The following ASRGL1 variants were observed in gnomAD, a reference collection of about 807,000 sequenced individuals.
ASRGL1 encodes the protein isoaspartyl peptidase/L-asparaginase.
In ASRGL1, 16 loss-of-function variants were observed where a neutral mutation model predicts 22.4. The observed-to-expected ratio is 0.71, with a 90% CI of 0.48 to 1.08. The LOEUF (loss-of-function observed/expected upper bound fraction) is 1.08, where lower values mean the gene tolerates loss of function less well. Among genes scored for constraint, ASRGL1 ranks in the 50% least tolerant of loss-of-function variants. ASRGL1 has a pLI of 0.00. For missense variants in ASRGL1, 412 were observed against 410.1 expected, an observed-to-expected ratio of 1.00 and a Z score of -0.04; for synonymous variants, 165 against 159.3, an observed-to-expected ratio of 1.04 and a Z score of -0.27.
At chr11:62,381,478 T>G (rs140797555) in intron 4 of ASRGL1, among the ~76,000 whole-genome samples, 2 of 152,174 alleles carry the variant, frequency 1.3e-5, no homozygotes, top group Non-Finnish European at 2.9e-5. Flanking sequence ...TTCAGGGGCA[T>G]CAGCAACTGA....
At chr11:62,365,874 G>C (rs1946600560) in intron 4 of ASRGL1, among the ~76,000 whole-genome samples, 1 of 151,978 alleles carries the variant, frequency 6.6e-6, no homozygotes, top group Admixed American at 6.6e-5. Context: ...GTAGATTTTA[G>C]GTACTCTTAC....
chr11:62,340,913 G>A (rs750264918), intron 2 of ASRGL1, among the ~76,000 whole-genome samples: 8 of 152,166 alleles, frequency 5.3e-5, no homozygotes, highest in Admixed American at 1.3e-4. Context: ...GACACAACTT[G>A]CCTGAACATT....
chr11:62,392,365 T>C lies in ASRGL1; in HGVS notation c.*81T>C. The C allele has an allele frequency of 1.3e-6, 2 of 1,515,116 alleles. No homozygotes were observed. The highest frequency in any genetic ancestry group is 2.3e-5 in the South Asian group (2 of 86,542). The allele number at this position is 1,515,116 out of a possible 1,614,324, so 93.9% of individuals were successfully genotyped here. Reference sequence around the variant, plus strand: ...ATGAGACATAGCCTAATCAATTAGATCTAGAATTGGAAAAATTGTCCCGTC... The same window carrying C: ...ATGAGACATAGCCTAATCAATTAGACCTAGAATTGGAAAAATTGTCCCGTC... On this transcript the variant is annotated 3_prime_UTR_variant, in exon 7 of 7. Transcript: ENST00000415229.
chr11:62,372,609 G>A (rs1015336742), intron 4 of ASRGL1: 73 of 873,728 alleles, frequency 8.4e-5, no homozygotes, highest in Non-Finnish European at 1.4e-4. Flanking sequence ...TATGCGAGAC[G>A]TGGCCTGTGG....
chr11:62,398,647 C>T, the ASRGL1 span, among the ~76,000 whole-genome samples: 2 of 152,190 alleles, frequency 1.3e-5, no homozygotes, highest in Non-Finnish European at 2.9e-5. Context: ...CCATCTGCTC[C>T]CCGCCCCTCC....
intron 4 of ASRGL1, among the ~76,000 whole-genome samples, chr11:62,381,433 A>G (rs1327347417): frequency 5.3e-5 from 8 of 152,174 alleles, no homozygotes; most frequent in African/African-American, 1.4e-4. Flanking sequence ...CTGGGATTCT[A>G]TCCCTGCCTA....
chr11:62,372,670 G>C, intron 4 of ASRGL1: 1 of 1,076,702 alleles, frequency 9.3e-7, no homozygotes, highest in Non-Finnish European at 1.5e-6. Flanking sequence ...TTCTCCTGGG[G>C]CTTCAGTGGC....
At chr11:62,360,280 G>C (rs1486939948) in intron 4 of ASRGL1, among the ~76,000 whole-genome samples, 1 of 151,118 alleles carries the variant, frequency 6.6e-6, no homozygotes, top group Admixed American at 6.6e-5. Flanking sequence ...CGCCCACCTC[G>C]GCCTCCCAAA....
chr11:62,395,759 CTTTTTTTTT>C (rs564952668), downstream of ASRGL1, among the ~76,000 whole-genome samples: 27 of 71,938 alleles, frequency 3.8e-4, no homozygotes, highest in African/African-American at 5.6e-4. Context: ...GTAGCTGTTT[CTTTTTTTTT>C]TTTTTTTTTT....
intron 4 of ASRGL1, among the ~76,000 whole-genome samples, chr11:62,375,643 G>A (rs1271511823): frequency 6.6e-6 from 1 of 151,426 alleles, no homozygotes; most frequent in East Asian, 1.9e-4. Context: ...GCAGGGCAAC[G>A]ATCATCTGTG....
rs1946778049 is a variant in ASRGL1, at chr11:62,371,906, A to G, written c.491+14762A>G. The G allele has an allele frequency of 1.2e-5, 7 of 567,516 alleles. No individual in the cohort carries two copies. The South Asian group carries it at 1.2e-4, about 10-fold the overall frequency. The allele number at this position is 567,516 out of a possible 1,614,324, so 35.2% of individuals were successfully genotyped here. A position where few individuals can be genotyped will look rare whatever the true frequency, so the allele number is the denominator to read the frequency against. On this transcript the variant is annotated intron_variant, in intron 4 of 6. Coordinates refer to ENST00000415229, the MANE Select transcript of ASRGL1 (RefSeq NM_001083926.2). ...GAGGCGGAGCTTGCAGTGGGCCGAG[A>G]TCGCGCCACTGCACTCTAGCCTGGG...
At chr11:62,398,257 G>A (rs1051096401), downstream of ASRGL1, among the ~76,000 whole-genome samples, 6 of 150,556 alleles carry the variant, frequency 4.0e-5, no homozygotes, top group Admixed American at 2.0e-4. Flanking sequence ...TCCACCCTGC[G>A]CCACCACCAG....
chr11:62,395,714 A>G (rs531370365), downstream of ASRGL1, among the ~76,000 whole-genome samples: 18 of 141,434 alleles, frequency 1.3e-4, no homozygotes, highest in Admixed American at 1.5e-4. Context: ...ATCAGCCTTC[A>G]TCTTTGCACA....
At position 62,364,505 on chromosome 11, in the gene ASRGL1, A is replaced by C. The variant is rs920858532; in HGVS notation, c.491+7361A>C. On this transcript the variant is annotated intron_variant, in intron 4 of 6. Coordinates refer to ENST00000415229, the MANE Select transcript of ASRGL1 (RefSeq NM_001083926.2). ...ATCCCACTTCTAGGCATATACCCAA[A>C]GGAAATGAAATCACCATTTAGTAAA... Among the ~76,000 whole-genome samples, 10 of 152,236 alleles carry C rather than the reference A, an allele frequency of 6.6e-5. No homozygotes were observed. The East Asian group carries it at 1.9e-3, about 29-fold the overall frequency.
At position 62,392,060 on chromosome 11, in the gene ASRGL1, A is replaced by G. The variant is rs1419270633; in HGVS notation, c.722-19A>G. The G allele has an allele frequency of 6.2e-7, 1 of 1,612,398 alleles. No homozygotes were observed. Among genetic ancestry groups the G allele is most frequent in the South Asian group, 1.1e-5 (1 of 91,046 alleles). On this transcript the variant is annotated intron_variant, in intron 6 of 6. Transcript: ENST00000415229. Reference sequence around the variant, plus strand: ...CTTTCAGTAATGTGTGTTGTTTCTCAACCCTTCCTTGTTTTCAGGAAAGAC... The same window carrying G: ...CTTTCAGTAATGTGTGTTGTTTCTCGACCCTTCCTTGTTTTCAGGAAAGAC...
intron 2 of ASRGL1, among the ~76,000 whole-genome samples, chr11:62,349,865 T>G (rs1946129186): frequency 6.6e-6 from 1 of 152,118 alleles, no homozygotes; most frequent in African/African-American, 2.4e-5. Context: ...GCCTCCCCTT[T>G]TTAGACCACA....
chr11:62,373,955 CG>C (rs1358479104), intron 4 of ASRGL1, among the ~76,000 whole-genome samples: 1 of 152,220 alleles, frequency 6.6e-6, no homozygotes, highest in African/African-American at 2.4e-5. Flanking sequence ...TGGCTCCCTG[CG>C]GAGCCAGGGC....
At chr11:62,367,631 C>T (rs1946646905) in intron 4 of ASRGL1, among the ~76,000 whole-genome samples, 1 of 145,056 alleles carries the variant, frequency 6.9e-6, no homozygotes, top group Admixed American at 6.8e-5. Context: ...GCAACAAGAG[C>T]AAAACTCCAT....
chr11:62,394,294 TTA>T (rs1590767650), downstream of ASRGL1, among the ~76,000 whole-genome samples: 1 of 141,702 alleles, frequency 7.1e-6, no homozygotes, highest in East Asian at 2.0e-4. Context: ...ATTGTATATA[TTA>T]TATATTATAT....
Sources: allele counts gnomAD v4.1 joint callset (sites outside exome capture counted in the v4.1 genomes callset), GRCh38; gene constraint gnomAD v4.1.1; transcripts MANE v1.5; gene names NCBI Gene and HGNC (gene_info 2026-07-23, HGNC 2026-07-21).